SCML4: variants seen among roughly 807,000 people sequenced by gnomAD.
SCML4 encodes the protein Scm polycomb group protein like 4, also known as sex comb on midleg-like protein 4.
SCML4 carries 34 observed loss-of-function variants against 41.1 expected under a neutral mutation model. The ratio of observed to expected loss-of-function variants is 0.83; its 90% CI spans 0.63 to 1.10. SCML4 has a LOEUF of 1.10. Ranked by LOEUF, SCML4 falls within the 50% of genes least tolerant of loss-of-function variation. SCML4 has a pLI of 0.00. For missense variants in SCML4, 522 were observed against 534.1 expected (o/e 0.98, Z 0.22); for synonymous variants, 214 against 220.9 (o/e 0.97, Z 0.28).
At chr6:107,823,207 C>T (rs1333791225) in intron 1 of SCML4, among the ~76,000 whole-genome samples, 1 of 152,132 alleles carries the variant, frequency 6.6e-6, no homozygotes, top group Non-Finnish European at 1.5e-5. Flanking sequence ...ATTGTCTAAC[C>T]CTCATGAGTA....
At chr6:107,780,011 C>T (rs1781360112) in intron 1 of SCML4, among the ~76,000 whole-genome samples, 2 of 152,098 alleles carry the variant, frequency 1.3e-5, no homozygotes, top group African/African-American at 4.8e-5. Flanking sequence ...CCATGGAGGC[C>T]AGGGGCCGTG....
At chr6:107,814,654 G>A (rs1241373333) in intron 1 of SCML4, among the ~76,000 whole-genome samples, 1 of 152,224 alleles carries the variant, frequency 6.6e-6, no homozygotes, top group Non-Finnish European at 1.5e-5. Flanking sequence ...CCAGGTTCAA[G>A]AGATTCTCAT....
In SCML4 at chr6:107,778,222, A is replaced by AATAT. The variant is rs1163805768; in HGVS notation, c.-59-5840_-59-5837dup. On this transcript the variant is annotated intron_variant, in intron 1 of 7. Transcript: ENST00000369020. ...AAAAAAAAAAAAAAAAAAAAAAAAA[A>AATAT]ATATATATATATATATATATATATA... 9.5e-3 allele frequency among the ~76,000 whole-genome samples: 144 copies of AATAT among 15,104 alleles called. 1 individual carries two copies. Among genetic ancestry groups the AATAT allele is most frequent in the East Asian group, 0.022 (2 of 92 alleles). The allele number at this position is 15,104 out of a possible 152,430, so 9.9% of individuals were successfully genotyped here. A position where few individuals can be genotyped will look rare whatever the true frequency, so the allele number is the denominator to read the frequency against.
chr6:107,751,521 T>C (rs915692517), intron 2 of SCML4, among the ~76,000 whole-genome samples: 1 of 152,222 alleles, frequency 6.6e-6, no homozygotes, highest in African/African-American at 2.4e-5. Flanking sequence ...GCTATTACTC[T>C]TGAACTCTTT....
intron 4 of SCML4, chr6:107,745,453 T>C (rs1023192908): frequency 4.4e-6 from 1 of 229,218 alleles, no homozygotes; most frequent in African/African-American, 2.3e-5. Context: ...CCGTTTGGAT[T>C]TGTCTTTTTT....
At chr6:107,780,118 G>T (rs1230637275) in intron 1 of SCML4, among the ~76,000 whole-genome samples, 3 of 152,176 alleles carry the variant, frequency 2.0e-5, no homozygotes, top group Non-Finnish European at 4.4e-5. Context: ...GTGGAGTCTA[G>T]ACATCTTACT....
intron 6 of SCML4, among the ~76,000 whole-genome samples, chr6:107,712,187 C>CAGAA (rs1325730399): frequency 7.2e-5 from 11 of 152,198 alleles, no homozygotes; most frequent in South Asian, 2.1e-4. Flanking sequence ...CCTGCCCCAT[C>CAGAA]AGAACATTGG....
chr6:107,766,630 C>T (rs1780069098), intron 2 of SCML4, among the ~76,000 whole-genome samples: 1 of 152,234 alleles, frequency 6.6e-6, no homozygotes, highest in African/African-American at 2.4e-5. Flanking sequence ...GAGCTATGCT[C>T]AGAATGCCAG....
the SCML4 span, among the ~76,000 whole-genome samples, chr6:107,832,743 T>G: frequency 6.6e-6 from 1 of 152,060 alleles, no homozygotes; most frequent in African/African-American, 2.4e-5. Flanking sequence ...AGCAACTGAC[T>G]AGTAGAAGGT....
chr6:107,791,022 ATTGC>A (rs1245844123), intron 1 of SCML4, among the ~76,000 whole-genome samples: 1 of 150,176 alleles, frequency 6.7e-6, no homozygotes, highest in Non-Finnish European at 1.5e-5. Context: ...GTGAGTGGAC[ATTGC>A]ACCATTGCAC....
intron 6 of SCML4, among the ~76,000 whole-genome samples, chr6:107,715,426 AG>A (rs1361379314): frequency 6.6e-6 from 1 of 150,896 alleles, no homozygotes; most frequent in African/African-American, 2.5e-5. Context: ...ATCCAACCAC[AG>A]GAGGCATTTG....
At chr6:107,815,009 C>A (rs1241480302) in intron 1 of SCML4, among the ~76,000 whole-genome samples, 10 of 152,180 alleles carry the variant, frequency 6.6e-5, no homozygotes, top group East Asian at 1.9e-4. Context: ...ATGTTAAGGG[C>A]ACCCCAAAGT....
chr6:107,814,378 G>C (rs941536512), intron 1 of SCML4, among the ~76,000 whole-genome samples: 2 of 152,154 alleles, frequency 1.3e-5, no homozygotes, highest in African/African-American at 4.8e-5. Context: ...GGTGATCTTG[G>C]TACAGTTGTT....
intron 1 of SCML4, among the ~76,000 whole-genome samples, chr6:107,774,985 A>C (rs1443550456): frequency 6.6e-6 from 1 of 151,760 alleles, no homozygotes; most frequent in Non-Finnish European, 1.5e-5. Context: ...TGACAGAGTG[A>C]GACTCCATCT....
chr6:107,745,100 A>C lies in SCML4; in HGVS notation c.531T>G (p.Pro177=). 1 of 1,608,474 alleles carries C rather than the reference A, an allele frequency of 6.2e-7. No homozygotes were observed. Among genetic ancestry groups the C allele is most frequent in the Non-Finnish European group, 8.5e-7 (1 of 1,177,260 alleles). ...GGACATAGCCGATGCTGTTCACCAC[A>C]GGCAGGCTCCGCAGGTGCTGTTTGC... is the stretch of plus-strand genomic sequence containing the variant. The part of the protein sequence containing the change: ...FDGKQHLRSL[P]VVNSIGYVLR... Residue 177 remains proline, a synonymous_variant, in exon 5 of 8, where the codon CCT becomes CCG. Coordinates refer to ENST00000369020, the MANE Select transcript of SCML4 (RefSeq NM_198081.5).
At chr6:107,786,298 T>A (rs1279770649) in intron 1 of SCML4, among the ~76,000 whole-genome samples, 1 of 152,172 alleles carries the variant, frequency 6.6e-6, no homozygotes, top group Non-Finnish European at 1.5e-5. Flanking sequence ...AGGGAGCTTA[T>A]CCTCTCTCCC....
intron 1 of SCML4, among the ~76,000 whole-genome samples, chr6:107,786,395 G>A (rs1781898836): frequency 6.6e-6 from 1 of 152,200 alleles, no homozygotes; most frequent in African/African-American, 2.4e-5. Context: ...GTTTCTCAAG[G>A]AAGTGGCTTT....
intron 1 of SCML4, among the ~76,000 whole-genome samples, chr6:107,823,642 A>C (rs910856585): frequency 1.3e-5 from 2 of 152,222 alleles, no homozygotes; most frequent in Non-Finnish European, 2.9e-5. Flanking sequence ...GGGAAAAAAA[A>C]CACTTTTACA....
At chr6:107,759,712 T>C (rs1480406884) in intron 2 of SCML4, among the ~76,000 whole-genome samples, 1 of 152,170 alleles carries the variant, frequency 6.6e-6, no homozygotes, top group East Asian at 1.9e-4. Flanking sequence ...ACTGGCTTTG[T>C]CTCTAAGTTT....
Sources: gnomAD v4.1 joint callset for allele counts (sites outside exome capture counted in the v4.1 genomes callset) on GRCh38, gnomAD v4.1.1 for gene constraint, MANE v1.5 for transcripts, NCBI Gene and HGNC (gene_info 2026-07-23, HGNC 2026-07-21) for gene names.